The following OR7C1 variants were observed in gnomAD, a reference collection of about 807,000 sequenced individuals.
The protein encoded by OR7C1 is olfactory receptor family 7 subfamily C member 1, also known as olfactory receptor 7C1.
For missense variants in OR7C1, 324 were observed against 383.3 expected, an observed-to-expected ratio of 0.85 and a Z score of 1.29; for synonymous variants, 152 against 160.7, an observed-to-expected ratio of 0.95 and a Z score of 0.41.
intron 1 of OR7C1, among the ~76,000 whole-genome samples, chr19:14,834,267 G>A (rs1029690578): frequency 6.6e-6 from 1 of 152,124 alleles, no homozygotes; most frequent in Non-Finnish European, 1.5e-5. Flanking sequence ...ACGACAGAGT[G>A]AGGCTCTGTC....
intron 1 of OR7C1, among the ~76,000 whole-genome samples, chr19:14,818,600 A>G (rs2044727448): frequency 6.6e-6 from 1 of 152,164 alleles, no homozygotes. Context: ...GCTTTTGTAT[A>G]GCGAGTTTGC....
intron 1 of OR7C1, among the ~76,000 whole-genome samples, chr19:14,819,668 C>G (rs762576960): frequency 6.6e-6 from 1 of 152,150 alleles, no homozygotes; most frequent in Non-Finnish European, 1.5e-5. Context: ...TATTCTTATA[C>G]CCACGTTGAG....
At chr19:14,811,371 C>T (rs765621583) in intron 1 of OR7C1, among the ~76,000 whole-genome samples, 5 of 151,842 alleles carry the variant, frequency 3.3e-5, no homozygotes, top group Non-Finnish European at 5.9e-5. Context: ...ATTTCAATCT[C>T]CTCTGTCTGT....
chr19:14,808,722 T>C (rs970156883), intron 2 of OR7C1, among the ~76,000 whole-genome samples: 23 of 152,006 alleles, frequency 1.5e-4, no homozygotes. Flanking sequence ...TTCACCACTA[T>C]GCAATGTATC....
At chr19:14,831,970 G>A (rs2044837709) in intron 1 of OR7C1, among the ~76,000 whole-genome samples, 1 of 152,108 alleles carries the variant, frequency 6.6e-6, no homozygotes, top group Admixed American at 6.5e-5. Flanking sequence ...GTGCAGTGGT[G>A]CAATCATAGC....
At chr19:14,832,151 C>A (rs2044839519) in intron 1 of OR7C1, among the ~76,000 whole-genome samples, 1 of 152,140 alleles carries the variant, frequency 6.6e-6, no homozygotes, top group Non-Finnish European at 1.5e-5. Context: ...TTCATGTGAT[C>A]CTCCCAGCTG....
At chr19:14,828,679 G>A (rs2044799293) in intron 1 of OR7C1, among the ~76,000 whole-genome samples, 2 of 141,354 alleles carry the variant, frequency 1.4e-5, no homozygotes, top group South Asian at 4.8e-4. Flanking sequence ...AGAATCTCTT[G>A]ACCCCGGGAG....
At chr19:14,810,384 TG>T (rs1240238534) in intron 1 of OR7C1, among the ~76,000 whole-genome samples, 1 of 146,656 alleles carries the variant, frequency 6.8e-6, no homozygotes, top group East Asian at 2.0e-4. Context: ...TTTTTTTTTT[TG>T]TTTTTTGTTT....
At chr19:14,804,044 T>G (rs984231376) in intron 2 of OR7C1, among the ~76,000 whole-genome samples, 1 of 152,088 alleles carries the variant, frequency 6.6e-6, no homozygotes, top group Non-Finnish European at 1.5e-5. Context: ...TCAGAAAGAT[T>G]CCTGGGAATG....
At chr19:14,804,002 C>A (rs1263744988) in intron 2 of OR7C1, among the ~76,000 whole-genome samples, 1 of 152,094 alleles carries the variant, frequency 6.6e-6, no homozygotes, top group Non-Finnish European at 1.5e-5. Flanking sequence ...AACCACCGTG[C>A]CTGGCCTAAA....
At chr19:14,830,648 T>C (rs2044822683) in intron 1 of OR7C1, among the ~76,000 whole-genome samples, 1 of 152,222 alleles carries the variant, frequency 6.6e-6, no homozygotes, top group African/African-American at 2.4e-5. Context: ...ATTATGTCGG[T>C]TTTAATGATT....
chr19:14,825,598 A>G (rs1319061590), intron 1 of OR7C1: 2 of 152,256 alleles, frequency 1.3e-5, no homozygotes, highest in Non-Finnish European at 2.9e-5. Context: ...CCATGCAAAC[A>G]AGTCCAGGCC....
At chr19:14,810,899 A>G (rs1429456892) in intron 1 of OR7C1, among the ~76,000 whole-genome samples, 1 of 151,810 alleles carries the variant, frequency 6.6e-6, no homozygotes, top group Non-Finnish European at 1.5e-5. Flanking sequence ...AATCCACATG[A>G]TCTAATTTTT....
intron 1 of OR7C1, among the ~76,000 whole-genome samples, chr19:14,810,372 G>GC (rs1555694733): frequency 8.9e-6 from 1 of 112,444 alleles, no homozygotes; most frequent in Non-Finnish European, 1.8e-5. Context: ...ACCAAAATGA[G>GC]TTTTTTTTTT....
chr19:14,817,083 A>G (rs1444636114), intron 1 of OR7C1, among the ~76,000 whole-genome samples: 1 of 152,170 alleles, frequency 6.6e-6, no homozygotes, highest in Admixed American at 6.5e-5. Context: ...ACCCACTAAT[A>G]GATTAACCCT....
intron 1 of OR7C1, among the ~76,000 whole-genome samples, chr19:14,812,532 A>T: frequency 6.6e-6 from 1 of 152,142 alleles, no homozygotes; most frequent in Admixed American, 6.6e-5. Flanking sequence ...CTGCTTGCTC[A>T]AATCAATCAT....
intron 1 of OR7C1, among the ~76,000 whole-genome samples, chr19:14,815,784 CGTGTGTGTGTGTGTGT>C (rs34655691): frequency 6.8e-6 from 1 of 146,626 alleles, no homozygotes; most frequent in African/African-American, 2.5e-5. Flanking sequence ...TGAGTTTGTG[CGTGTGTGTGTGTGTGT>C]GTGTGTGTGT....
chr19:14,815,915 C>T (rs554615295), intron 1 of OR7C1, among the ~76,000 whole-genome samples: 1 of 152,116 alleles, frequency 6.6e-6, no homozygotes, highest in African/African-American at 2.4e-5. Context: ...TCTACCTCCC[C>T]AGCTCAAACG....
intron 1 of OR7C1, chr19:14,825,366 C>T (rs756751549): frequency 6.6e-6 from 1 of 152,172 alleles, no homozygotes; most frequent in Non-Finnish European, 1.5e-5. Context: ...GCCTAGACAT[C>T]TAATGTACAC....
Sources: allele counts gnomAD v4.1 joint callset (sites outside exome capture counted in the v4.1 genomes callset), GRCh38; gene constraint gnomAD v4.1.1; transcripts MANE v1.5; gene names NCBI Gene and HGNC (gene_info 2026-07-23, HGNC 2026-07-21).